Variants in ITGB5 observed in about 807,000 individuals in gnomAD.
ITGB5 encodes integrin beta-5.
Under a neutral mutation model 84.8 loss-of-function variants are expected in ITGB5, and 38 were observed. The ratio of observed to expected loss-of-function variants is 0.45; its 90% CI spans 0.35 to 0.59. The LOEUF is 0.59. ITGB5 is among the 20% of genes least tolerant of loss of function. The pLI is 0.01. For synonymous variants in ITGB5, 393 were observed against 414.4 expected, an observed-to-expected ratio of 0.95 and a Z score of 0.63; for missense variants, 905 against 1,034.5, an observed-to-expected ratio of 0.87 and a Z score of 1.72.
At chr3:124,841,138 G>C (rs1287939721) in intron 5 of ITGB5, among the ~76,000 whole-genome samples, 1 of 152,196 alleles carries the variant, frequency 6.6e-6, no homozygotes, top group African/African-American at 2.4e-5. Flanking sequence ...CTAGCAGACA[G>C]TACTCCATTG....
In ITGB5 at chr3:124,763,598, C is replaced by T; in HGVS notation, c.*25G>A. On this transcript the variant is annotated 3_prime_UTR_variant, in exon 15 of 15. Coordinates refer to ENST00000296181, the MANE Select transcript of ITGB5 (RefSeq NM_002213.5). ...GTCTGACCTTTTCATCAGATCCCCGCTCCAGCCCCTCGGAGAAGGAAACAT... is the reference window on the plus strand; with the variant it reads ...GTCTGACCTTTTCATCAGATCCCCGTTCCAGCCCCTCGGAGAAGGAAACAT... 1 of 1,441,842 alleles carries T rather than the reference C, an allele frequency of 6.9e-7. No individual in the cohort carries two copies. The highest frequency in any genetic ancestry group is 9.8e-7 in the Non-Finnish European group (1 of 1,022,866). The allele number at this position is 1,441,842 out of a possible 1,614,324, so 89.3% of individuals were successfully genotyped here.
chr3:124,859,733 T>G (rs1336163852), intron 2 of ITGB5, among the ~76,000 whole-genome samples: 3 of 152,174 alleles, frequency 2.0e-5, no homozygotes, highest in East Asian at 1.9e-4. Flanking sequence ...ACTGCCTACA[T>G]GATTAGCAAG....
In ITGB5 at chr3:124,796,410, C is replaced by T; in HGVS notation, c.1671G>A (p.Arg557=). ...FCECDNFSCA[R]NKGVLCSGHG... ...TACCTGAGCAGAGGACTCCCTTGTT[C>T]CTGGCACAGGAGAAGTTGTCGCACT... The change falls in exon 10 of 15, where the codon AGG becomes AGA. Residue 557 remains arginine (R), a synonymous_variant. Transcript: ENST00000296181. 3 of 1,612,600 alleles carry T rather than the reference C, an allele frequency of 1.9e-6. No homozygotes were observed. Among genetic ancestry groups the T allele is most frequent in the Non-Finnish European group, 2.5e-6 (3 of 1,179,070 alleles).
At chr3:124,857,556 A>G (rs531401636) in intron 3 of ITGB5, among the ~76,000 whole-genome samples, 1 of 152,270 alleles carries the variant, frequency 6.6e-6, no homozygotes, top group East Asian at 1.9e-4. Context: ...ACCATCTACA[A>G]ATAGCTACTG....
Position 124,831,395 on chromosome 3 carries a change from G to C in ITGB5, c.781-9921C>G, listed in dbSNP as rs551538976. ...TTCCTACTGGCTCATGTTAAGCCTG[G>C]GGATCCCCAGGTCCATTTCATAGTA... On this transcript the variant is annotated intron_variant, in intron 5 of 14. Transcript: ENST00000296181. Among the ~76,000 whole-genome samples the C allele has an allele frequency of 1.2e-3, 190 of 152,192 alleles. 1 individual carries two copies. The highest frequency in any genetic ancestry group is 0.011 in the Admixed American group (171 of 15,290).
intron 13 of ITGB5, among the ~76,000 whole-genome samples, chr3:124,765,774 T>G (rs1267212745): frequency 6.6e-6 from 1 of 152,170 alleles, no homozygotes; most frequent in Non-Finnish European, 1.5e-5. Flanking sequence ...GAAATTGTAC[T>G]GGTTAGGTGC....
chr3:124,823,219 T>C (rs1242021606), intron 5 of ITGB5, among the ~76,000 whole-genome samples: 5 of 152,088 alleles, frequency 3.3e-5, no homozygotes, highest in Admixed American at 3.3e-4. Flanking sequence ...GCTATGATCA[T>C]GCCACTGTGC....
intron 4 of ITGB5, 105 bp from the exon 5 acceptor site, chr3:124,841,656 T>G (rs1403887287): frequency 8.4e-6 from 9 of 1,065,468 alleles, no homozygotes; most frequent in Non-Finnish European, 1.2e-5. Flanking sequence ...AATAACTATT[T>G]ACCCAGCACC....
chr3:124,796,526 T>TG lies in ITGB5; in HGVS notation c.1554dup (p.Lys519GlnfsTer31). ...TCCCCACGCCCGCTGCACAGTGGCT[T>TG]GCCCTCTGCCTCCCGGCACAGGTTC... is the stretch of plus-strand genomic sequence containing the variant. On this transcript the variant is annotated frameshift_variant, in exon 10 of 15. Transcript: ENST00000296181. LOFTEE classifies it high-confidence loss of function. 6.2e-7 allele frequency: 1 copy of TG among 1,614,152 alleles called. No homozygotes were observed. The highest frequency in any genetic ancestry group is 1.1e-5 in the South Asian group (1 of 91,086).
intron 5 of ITGB5, among the ~76,000 whole-genome samples, chr3:124,828,941 A>G (rs1181780937): frequency 2.0e-5 from 3 of 152,212 alleles, no homozygotes; most frequent in Non-Finnish European, 4.4e-5. Context: ...CCTTGTTTAT[A>G]AGAGGGAGGT....
chr3:124,899,476 A>G (rs1935176769), intron 1 of ITGB5, among the ~76,000 whole-genome samples: 1 of 152,128 alleles, frequency 6.6e-6, no homozygotes, highest in Non-Finnish European at 1.5e-5. Context: ...AGGACACCAC[A>G]GCTGATTAGA....
chr3:124,772,538 G>A (rs989509334), intron 11 of ITGB5, among the ~76,000 whole-genome samples: 1 of 152,220 alleles, frequency 6.6e-6, no homozygotes, highest in Non-Finnish European at 1.5e-5. Context: ...GAGAAGCGAC[G>A]TTTGTATTAT....
At chr3:124,888,927 G>A (rs1934932852), upstream of ITGB5, among the ~76,000 whole-genome samples, 1 of 152,180 alleles carries the variant, frequency 6.6e-6, no homozygotes, top group Non-Finnish European at 1.5e-5. Flanking sequence ...ACTTCTTGAA[G>A]TACAATATAG....
chr3:124,893,270 T>C (rs1312093374), intron 1 of ITGB5, among the ~76,000 whole-genome samples: 5 of 152,040 alleles, frequency 3.3e-5, no homozygotes, highest in South Asian at 4.2e-4. Context: ...TAGCTGGATG[T>C]GGTGGCGTGC....
At chr3:124,895,887 G>A (rs988979499) in intron 1 of ITGB5, among the ~76,000 whole-genome samples, 11 of 152,148 alleles carry the variant, frequency 7.2e-5, no homozygotes, top group African/African-American at 9.7e-5. Context: ...CTGAGCAACC[G>A]TGCAACTGCC....
At position 124,841,486 on chromosome 3, in the gene ITGB5, C is replaced by T; in HGVS notation, c.677G>A (p.Arg226Lys). ...GFRHLLPLTD[R>K]VDSFNEEVRK... ...AACTTCCTCATTGAAGCTGTCCACTCTGTCTGTGAGAGGCAGCAGATGGCG... is the reference window on the plus strand; with the variant it reads ...AACTTCCTCATTGAAGCTGTCCACTTTGTCTGTGAGAGGCAGCAGATGGCG... The change falls in exon 5 of 15, where the codon AGA (arginine) becomes AAA (lysine). Residue 226 changes from arginine to lysine, a missense_variant. Physicochemically the swap from Arg to Lys is conservative, Grantham distance 26 (BLOSUM62 2). Around this residue, in one of 3 missense-constraint regions of ITGB5, gnomAD observed 656 missense variants for 734.7 expected, o/e 0.89. Transcript: ENST00000296181. 1 of 1,614,238 alleles carries T rather than the reference C, an allele frequency of 6.2e-7. No homozygotes were observed. The highest frequency in any genetic ancestry group is 8.5e-7 in the Non-Finnish European group (1 of 1,180,042).
intron 11 of ITGB5, among the ~76,000 whole-genome samples, chr3:124,771,326 A>G (rs186971561): frequency 6.6e-6 from 1 of 152,280 alleles, no homozygotes; most frequent in East Asian, 1.9e-4. Context: ...GTGCCTCCTA[A>G]CAAGCAGCAA....
chr3:124,895,260 A>G (rs768586153), intron 1 of ITGB5, among the ~76,000 whole-genome samples: 6 of 152,138 alleles, frequency 3.9e-5, no homozygotes, highest in Non-Finnish European at 8.8e-5. Context: ...AGGGTCTCAC[A>G]CTGTTGCCCA....
intron 9 of ITGB5, among the ~76,000 whole-genome samples, chr3:124,798,071 T>TTTTTTTTTTTTA (rs2064259522): frequency 6.7e-6 from 1 of 149,082 alleles, no homozygotes; most frequent in Admixed American, 6.7e-5. Context: ...TTTTTTTTTT[T>TTTTTTTTTTTTA]GAGGTGGAGT....
Sources: gnomAD v4.1 joint callset for allele counts (sites outside exome capture counted in the v4.1 genomes callset) on GRCh38, gnomAD v4.1.1 for gene constraint, gnomAD v4.1.1 regional missense constraint, MANE v1.5 for transcripts, NCBI Gene and HGNC (gene_info 2026-07-23, HGNC 2026-07-21) for gene names.